The following PCSK2 variants were observed in gnomAD, a reference collection of about 807,000 sequenced individuals.
PCSK2 encodes proprotein convertase subtilisin/kexin type 2.
In PCSK2, 14 loss-of-function variants were observed where a neutral mutation model predicts 69.7. The observed-to-expected ratio is 0.20, with a 90% CI of 0.13 to 0.31. The LOEUF (loss-of-function observed/expected upper bound fraction) is 0.31. PCSK2 is among the 10% of genes least tolerant of loss of function. The probability of loss-of-function intolerance (pLI) is 1.00; values close to 1 mark genes in which losing one functional copy is unlikely to be tolerated. For missense variants in PCSK2, 544 were observed against 842.5 expected (o/e 0.65, Z 4.39); for synonymous variants, 307 against 320.7 (o/e 0.96, Z 0.46).
chr20:17,361,711 A>G (rs2030401878), intron 4 of PCSK2, among the ~76,000 whole-genome samples: 1 of 152,230 alleles, frequency 6.6e-6, no homozygotes, highest in Non-Finnish European at 1.5e-5. Flanking sequence ...GTGTGGGCTC[A>G]TTAAATATCA....
intron 1 of PCSK2, among the ~76,000 whole-genome samples, chr20:17,247,155 G>A (rs995573246): frequency 1.3e-5 from 2 of 152,116 alleles, no homozygotes; most frequent in East Asian, 1.9e-4. Context: ...TTCTCCACAT[G>A]GTCTCTCATC....
intron 5 of PCSK2, among the ~76,000 whole-genome samples, chr20:17,393,942 G>T (rs1301459766): frequency 2.0e-5 from 3 of 152,190 alleles, no homozygotes; most frequent in South Asian, 2.1e-4. Context: ...TAAAGATTTG[G>T]AAACTCTTGG....
chr20:17,362,873 G>T (rs2030448887), intron 4 of PCSK2, among the ~76,000 whole-genome samples: 1 of 152,172 alleles, frequency 6.6e-6, no homozygotes, highest in South Asian at 2.1e-4. Context: ...AGCACATTTG[G>T]GACAAGGGCA....
At chr20:17,336,295 C>G (rs982701445) in intron 2 of PCSK2, among the ~76,000 whole-genome samples, 1 of 152,128 alleles carries the variant, frequency 6.6e-6, no homozygotes, top group Non-Finnish European at 1.5e-5. Flanking sequence ...ACCATCCTTT[C>G]TTTAAGCCAC....
At chr20:17,466,316 T>C (rs1452971896) in intron 11 of PCSK2, among the ~76,000 whole-genome samples, 2 of 152,254 alleles carry the variant, frequency 1.3e-5, no homozygotes, top group Non-Finnish European at 2.9e-5. Flanking sequence ...CTAGATTATT[T>C]CGCTTGGAGT....
At chr20:17,300,640 T>G (rs1403685283) in intron 2 of PCSK2, among the ~76,000 whole-genome samples, 1 of 152,238 alleles carries the variant, frequency 6.6e-6, no homozygotes, top group East Asian at 1.9e-4. Flanking sequence ...AAGTTGAACT[T>G]TATTTATGTC....
chr20:17,413,432 A>G (rs2031924212), intron 6 of PCSK2, among the ~76,000 whole-genome samples: 1 of 152,246 alleles, frequency 6.6e-6, no homozygotes, highest in Non-Finnish European at 1.5e-5. Flanking sequence ...AAAAGAGACA[A>G]AGAAGACCAT....
intron 2 of PCSK2, among the ~76,000 whole-genome samples, chr20:17,298,765 C>G (rs1216418916): frequency 6.6e-6 from 1 of 152,054 alleles, no homozygotes; most frequent in African/African-American, 2.4e-5. Flanking sequence ...AGTATTTGAG[C>G]AAATCTTTCT....
At chr20:17,287,795 C>A (rs1363459054) in intron 2 of PCSK2, among the ~76,000 whole-genome samples, 1 of 152,202 alleles carries the variant, frequency 6.6e-6, no homozygotes, top group Admixed American at 6.5e-5. Context: ...TAGTGGGAGG[C>A]CTGGGGAGCC....
chr20:17,265,390 A>G (rs6044709), intron 2 of PCSK2, among the ~76,000 whole-genome samples: 78,202 of 151,972 alleles, frequency 0.51, 20,266 homozygotes, highest in East Asian at 0.66. Context: ...CTAAGAGGAT[A>G]AGGTCTGAGG....
chr20:17,472,451 C>T (rs2033218317), intron 11 of PCSK2, among the ~76,000 whole-genome samples: 1 of 152,222 alleles, frequency 6.6e-6, no homozygotes, highest in South Asian at 2.1e-4. Flanking sequence ...TCACCATGGC[C>T]ACCTGCTGCG....
intron 2 of PCSK2, among the ~76,000 whole-genome samples, chr20:17,301,154 G>A (rs1989067505): frequency 6.6e-6 from 1 of 152,212 alleles, no homozygotes; most frequent in Non-Finnish European, 1.5e-5. Flanking sequence ...AGCAAAGAGA[G>A]CAAATGTATT....
At chr20:17,280,462 C>T (rs963484672) in intron 2 of PCSK2, among the ~76,000 whole-genome samples, 8 of 152,132 alleles carry the variant, frequency 5.3e-5, no homozygotes, top group Non-Finnish European at 1.2e-4. Flanking sequence ...CAGAATGATG[C>T]CATGTGGAAG....
intron 2 of PCSK2, among the ~76,000 whole-genome samples, chr20:17,264,012 C>T (rs140577151): frequency 3.9e-5 from 6 of 152,306 alleles, no homozygotes; most frequent in South Asian, 2.1e-4. Context: ...AAAGCCAAAC[C>T]TATCTTCAGT....
At chr20:17,427,348 T>C (rs2032269799) in intron 6 of PCSK2, among the ~76,000 whole-genome samples, 1 of 152,134 alleles carries the variant, frequency 6.6e-6, no homozygotes, top group African/African-American at 2.4e-5. Flanking sequence ...AAGCCAGCAG[T>C]GTGGATGGAA....
intron 6 of PCSK2, among the ~76,000 whole-genome samples, chr20:17,410,365 A>C (rs920893324): frequency 2.0e-5 from 3 of 152,184 alleles, no homozygotes; most frequent in Non-Finnish European, 2.9e-5. Flanking sequence ...GATGACCAGA[A>C]TATGTTCAAG....
At chr20:17,479,301 G>A in intron 11 of PCSK2, 1 of 858,076 alleles carries the variant, frequency 1.2e-6, no homozygotes, top group Non-Finnish European at 2.0e-6. Flanking sequence ...TATGCTTGCG[G>A]TCCACTGGTT....
At chr20:17,360,426 G>C in intron 3 of PCSK2, 106 bp from the exon 4 acceptor site, 1 of 637,492 alleles carries the variant, frequency 1.6e-6, no homozygotes, top group South Asian at 2.2e-5. Flanking sequence ...CCTTTGAGCT[G>C]GTCCTGAAAT....
At position 17,227,351 on chromosome 20, in the gene PCSK2, C is replaced by T. The variant is rs1471336766; in HGVS notation, c.46C>T (p.Leu16Phe). Residue 16 changes from leucine to phenylalanine, a missense_variant, in exon 1 of 12, where the codon CTC becomes TTC. This residue lies in a region of PCSK2 where 157 missense variants were observed against 155.0 expected (regional missense o/e 1.01). Transcript: ENST00000262545. ...VSQWKAAAGF[L>F]FCVMVFASAE... is the part of the protein sequence containing the mutation. ...CCAGTGGAAGGCGGCCGCCGGGTTCCTCTTCTGTGTCATGGTTTTTGCATC... is the reference window on the plus strand; with the variant it reads ...CCAGTGGAAGGCGGCCGCCGGGTTCTTCTTCTGTGTCATGGTTTTTGCATC... 3.1e-6 allele frequency: 5 copies of T among 1,613,886 alleles called. No homozygotes were observed. The African/African-American group carries it at 6.7e-5, about 22-fold the overall frequency.
Sources: gnomAD v4.1 joint callset for allele counts (sites outside exome capture counted in the v4.1 genomes callset) on GRCh38, gnomAD v4.1.1 for gene constraint, gnomAD v4.1.1 regional missense constraint, MANE v1.5 for transcripts, NCBI Gene and HGNC (gene_info 2026-07-23, HGNC 2026-07-21) for gene names.